The following HMGB1 variants were observed in gnomAD, a reference collection of about 807,000 sequenced individuals.
HMGB1 encodes high mobility group protein B1.
For synonymous variants in HMGB1, 81 were observed against 84.0 expected, an observed-to-expected ratio of 0.96 and a Z score of 0.19; for missense variants, 79 against 253.5, an observed-to-expected ratio of 0.31 and a Z score of 4.67.
intron 1 of HMGB1, among the ~76,000 whole-genome samples, chr13:30,504,851 A>C (rs1887814853): frequency 1.4e-5 from 2 of 147,642 alleles, no homozygotes; most frequent in South Asian, 4.5e-4. Context: ...TGTTCCTACA[A>C]AACAGTTCTT....
chr13:30,615,818 C>CT (rs1950555069), intron 1 of HMGB1, among the ~76,000 whole-genome samples: 1 of 152,128 alleles, frequency 6.6e-6, no homozygotes. Context: ...AGAGAAAATC[C>CT]TAATCATACA....
At chr13:30,536,767 T>C (rs1486679848) in intron 1 of HMGB1, among the ~76,000 whole-genome samples, 2 of 152,238 alleles carry the variant, frequency 1.3e-5, no homozygotes, top group African/African-American at 4.8e-5. Flanking sequence ...CTAGTAATTA[T>C]CTTTTTTGTT....
At chr13:30,546,709 T>C (rs74468044) in intron 1 of HMGB1, among the ~76,000 whole-genome samples, 5,855 of 152,230 alleles carry the variant, frequency 0.038, 165 homozygotes, top group Middle Eastern at 0.14. Context: ...TGTCTTGAAC[T>C]CCTGGCCTCA....
chr13:30,497,445 G>GTTT (rs386378693), intron 1 of HMGB1, among the ~76,000 whole-genome samples: 8 of 147,664 alleles, frequency 5.4e-5, no homozygotes, highest in Non-Finnish European at 8.9e-5. Flanking sequence ...TGGCCAGGCT[G>GTTT]TTTTTTTTTT....
chr13:30,568,657 C>T (rs1034777694), intron 1 of HMGB1, among the ~76,000 whole-genome samples: 16 of 152,034 alleles, frequency 1.1e-4, no homozygotes, highest in Non-Finnish European at 1.9e-4. Flanking sequence ...GAGGGGAGGG[C>T]CTTGTGAAGC....
intron 1 of HMGB1, among the ~76,000 whole-genome samples, chr13:30,526,639 C>T (rs1402132173): frequency 2.0e-5 from 3 of 152,186 alleles, no homozygotes; most frequent in African/African-American, 4.8e-5. Context: ...ATGACGTCTA[C>T]GAGGAACCTG....
intron 1 of HMGB1, among the ~76,000 whole-genome samples, chr13:30,514,272 C>T: frequency 6.6e-6 from 1 of 151,288 alleles, no homozygotes; most frequent in Non-Finnish European, 1.5e-5. Flanking sequence ...TAGTACTGAG[C>T]TGTACTGAGC....
At chr13:30,503,859 C>CTA (rs1887793942) in intron 1 of HMGB1, among the ~76,000 whole-genome samples, 1 of 152,110 alleles carries the variant, frequency 6.6e-6, no homozygotes, top group East Asian at 1.9e-4. Context: ...GAGTTTAAGG[C>CTA]TGCAGTGTGC....
At chr13:30,522,619 G>C (rs1306757601) in intron 1 of HMGB1, among the ~76,000 whole-genome samples, 2 of 152,182 alleles carry the variant, frequency 1.3e-5, no homozygotes, top group Non-Finnish European at 2.9e-5. Context: ...GCATCTGCAA[G>C]ACAGCAATAG....
intron 1 of HMGB1, among the ~76,000 whole-genome samples, chr13:30,607,884 A>G (rs979878504): frequency 6.6e-6 from 1 of 152,314 alleles, no homozygotes; most frequent in Non-Finnish European, 1.5e-5. Flanking sequence ...GACATTACTG[A>G]ATTACTTGTT....
intron 1 of HMGB1, among the ~76,000 whole-genome samples, chr13:30,527,062 T>A (rs534330482): frequency 1.4e-4 from 22 of 152,310 alleles, no homozygotes; most frequent in African/African-American, 5.3e-4. Context: ...TTTTAACAAG[T>A]AGCATGGGTC....
intron 1 of HMGB1, among the ~76,000 whole-genome samples, chr13:30,605,638 G>C (rs186644151): frequency 2.6e-5 from 4 of 152,334 alleles, no homozygotes; most frequent in African/African-American, 9.6e-5. Context: ...CTGAATTCAA[G>C]AGAGAGAACA....
intron 1 of HMGB1, among the ~76,000 whole-genome samples, chr13:30,528,767 T>G (rs943721314): frequency 3.9e-5 from 6 of 151,904 alleles, no homozygotes; most frequent in Non-Finnish European, 7.4e-5. Flanking sequence ...GGTGGCTCAC[T>G]CCTGTAATCC....
intron 1 of HMGB1, among the ~76,000 whole-genome samples, chr13:30,579,852 CA>C (rs1870826975): frequency 6.6e-6 from 1 of 152,088 alleles, no homozygotes. Flanking sequence ...GTTAAAAGGT[CA>C]TTGCTGGCAT....
intron 1 of HMGB1, among the ~76,000 whole-genome samples, chr13:30,473,338 AG>A (rs1886993039): frequency 6.6e-6 from 1 of 152,230 alleles, no homozygotes; most frequent in Non-Finnish European, 1.5e-5. Flanking sequence ...CTGGTTAGTA[AG>A]GGGAAAATAT....
Position 30,609,121 on chromosome 13 carries a change from G to T in HMGB1, c.-15+7550C>A, listed in dbSNP as rs552726146. The stretch of plus-strand genomic sequence containing the variant: ...TACTAAAAATACAAAAAATTAGCCC[G>T]GCGTAGTGGTGGGAGCCTGTAGTCC... On this transcript the variant is annotated intron_variant, in intron 1 of 4. Coordinates refer to the HMGB1 transcript ENST00000405805. Among the ~76,000 whole-genome samples, 9 of 152,220 alleles carry T rather than the reference G, an allele frequency of 5.9e-5. No homozygotes were observed. The South Asian group carries it at 1.9e-3, about 32-fold the overall frequency.
At chr13:30,596,920 A>T (rs1169635896) in intron 1 of HMGB1, among the ~76,000 whole-genome samples, 1 of 152,254 alleles carries the variant, frequency 6.6e-6, no homozygotes, top group Non-Finnish European at 1.5e-5. Context: ...CTGCAATTGC[A>T]TATTATATAG....
intron 1 of HMGB1, chr13:30,465,222 G>A (rs1886695789): frequency 1.9e-6 from 1 of 533,368 alleles, no homozygotes; most frequent in Non-Finnish European, 2.3e-6. Flanking sequence ...ACCGGGCCGA[G>A]GCCGGCCGGG....
chr13:30,576,906 T>C (rs1870680281), intron 1 of HMGB1, among the ~76,000 whole-genome samples: 1 of 152,206 alleles, frequency 6.6e-6, no homozygotes, highest in Non-Finnish European at 1.5e-5. Context: ...GTCGCTGTCA[T>C]GGACTGAATA....
Sources: gnomAD v4.1 joint callset for allele counts (sites outside exome capture counted in the v4.1 genomes callset) on GRCh38, gnomAD v4.1.1 for gene constraint, MANE v1.5 for transcripts, NCBI Gene and HGNC (gene_info 2026-07-23, HGNC 2026-07-21) for gene names.